The following CAMTA1 variants were observed in gnomAD, a reference collection of about 807,000 sequenced individuals.
The protein encoded by CAMTA1 is calmodulin binding transcription activator 1.
CAMTA1 carries 27 observed loss-of-function variants against 170.9 expected under a neutral mutation model. The ratio of observed to expected loss-of-function variants is 0.16; its 90% CI spans 0.12 to 0.22. The LOEUF (loss-of-function observed/expected upper bound fraction) is 0.22, where lower values mean the gene tolerates loss of function less well. CAMTA1 is among the 10% of genes least tolerant of loss of function. The pLI is 1.00. For missense variants in CAMTA1, 1,619 were observed against 2,217.2 expected, an observed-to-expected ratio of 0.73 and a Z score of 5.42; for synonymous variants, 833 against 891.5, an observed-to-expected ratio of 0.93 and a Z score of 1.17.
chr1:7,169,117 A>T (rs544174806), intron 4 of CAMTA1, among the ~76,000 whole-genome samples: 1 of 152,316 alleles, frequency 6.6e-6, no homozygotes, highest in South Asian at 2.1e-4. Context: ...TATTAATCTA[A>T]CTGTAATCCT....
At chr1:7,231,919 G>A (rs891679240) in intron 4 of CAMTA1, among the ~76,000 whole-genome samples, 2 of 152,208 alleles carry the variant, frequency 1.3e-5, no homozygotes, top group African/African-American at 4.8e-5. Flanking sequence ...ACTTCTTGGA[G>A]CTCAAACAGA....
At chr1:7,250,195 C>T (rs947270712) in intron 5 of CAMTA1, among the ~76,000 whole-genome samples, 1 of 152,170 alleles carries the variant, frequency 6.6e-6, no homozygotes, top group Non-Finnish European at 1.5e-5. Flanking sequence ...GGTTTTGGCC[C>T]TTGGGTAAAG....
chr1:7,309,871 A>G (rs4908619), intron 5 of CAMTA1, among the ~76,000 whole-genome samples: 59,356 of 151,496 alleles, frequency 0.39, 11,968 homozygotes, highest in Middle Eastern at 0.59. Context: ...GTTGTTTTAT[A>G]TATCATATAT....
At chr1:6,870,408 G>A (rs1371925907) in intron 3 of CAMTA1, among the ~76,000 whole-genome samples, 1 of 152,112 alleles carries the variant, frequency 6.6e-6, no homozygotes, top group Non-Finnish European at 1.5e-5. Context: ...CTCGGACCGA[G>A]TGCATGAGCT....
chr1:7,122,420 G>A (rs966711872), intron 4 of CAMTA1, among the ~76,000 whole-genome samples: 1 of 152,050 alleles, frequency 6.6e-6, no homozygotes, highest in Non-Finnish European at 1.5e-5. Context: ...ATTCGTAGGG[G>A]GTGCCTGGCG....
At chr1:6,926,374 C>G (rs1683093987) in intron 3 of CAMTA1, among the ~76,000 whole-genome samples, 1 of 141,304 alleles carries the variant, frequency 7.1e-6, no homozygotes, top group South Asian at 2.5e-4. Context: ...CTTCCTTTCT[C>G]TTTCTTTCTC....
In CAMTA1 at chr1:7,664,092, G is replaced by A. The variant is rs373101603; in HGVS notation, c.1545G>A (p.Ser515=). 1.4e-5 allele frequency: 22 copies of A among 1,613,556 alleles called. No homozygotes were observed. Among genetic ancestry groups the A allele is most frequent in the African/African-American group, 9.3e-5 (7 of 75,060 alleles). Residue 515 remains serine, a synonymous_variant, in exon 9 of 23, where the codon TCG becomes TCA. Transcript: ENST00000303635. ...AEMVSSNIRH[S]PPGERSFSFT... ...TGGTCAGCTCCAACATCCGGCACTCGCCACCCGGGGAGCGGAGCTTCAGCT... is the reference window on the plus strand; with the variant it reads ...TGGTCAGCTCCAACATCCGGCACTCACCACCCGGGGAGCGGAGCTTCAGCT...
chr1:7,557,495 T>C (rs6697897), intron 6 of CAMTA1, among the ~76,000 whole-genome samples: 11,090 of 152,214 alleles, frequency 0.073, 500 homozygotes, highest in African/African-American at 0.13. Flanking sequence ...GGATCCGGTA[T>C]GTTTCATAGC....
chr1:6,967,536 A>G (rs554468082), intron 3 of CAMTA1, among the ~76,000 whole-genome samples: 1 of 152,256 alleles, frequency 6.6e-6, no homozygotes, highest in South Asian at 2.1e-4. Flanking sequence ...GGGGACCTTC[A>G]GCCACTAGGT....
chr1:7,127,522 T>G (rs949564403), intron 4 of CAMTA1, among the ~76,000 whole-genome samples: 1 of 152,146 alleles, frequency 6.6e-6, no homozygotes, highest in Non-Finnish European at 1.5e-5. Context: ...GGAGTGGAAC[T>G]GCCACCTGCT....
At chr1:7,126,794 G>A (rs1210162120) in intron 4 of CAMTA1, among the ~76,000 whole-genome samples, 4 of 151,994 alleles carry the variant, frequency 2.6e-5, no homozygotes, top group Admixed American at 2.6e-4. Context: ...TTTTTGAGAA[G>A]GAGTCTCGCT....
chr1:6,908,526 A>G (rs976770198), intron 3 of CAMTA1, among the ~76,000 whole-genome samples: 7 of 152,238 alleles, frequency 4.6e-5, no homozygotes, highest in Non-Finnish European at 7.3e-5. Flanking sequence ...CTGATGGTCT[A>G]CTGTCAACTG....
At chr1:7,313,028 T>A (rs780385069) in intron 5 of CAMTA1, among the ~76,000 whole-genome samples, 1 of 152,220 alleles carries the variant, frequency 6.6e-6, no homozygotes, top group Non-Finnish European at 1.5e-5. Context: ...GGATTATGGT[T>A]CCTTTCTTGT....
intron 4 of CAMTA1, among the ~76,000 whole-genome samples, chr1:7,217,003 G>A (rs1174407823): frequency 6.6e-6 from 1 of 152,138 alleles, no homozygotes; most frequent in African/African-American, 2.4e-5. Flanking sequence ...TGCCTCATAT[G>A]TCTTTGCCAT....
chr1:7,655,499 C>T (rs1325575860), intron 7 of CAMTA1, among the ~76,000 whole-genome samples: 4 of 142,536 alleles, frequency 2.8e-5, no homozygotes, highest in Non-Finnish European at 6.1e-5. Context: ...CTATACAACA[C>T]ACATACACAC....
At chr1:7,422,799 C>T (rs1212775962) in intron 5 of CAMTA1, among the ~76,000 whole-genome samples, 2 of 152,148 alleles carry the variant, frequency 1.3e-5, no homozygotes, top group Admixed American at 6.5e-5. Context: ...CCCTGCAGTC[C>T]CCACACCCCC....
chr1:7,345,329 T>C (rs1444237862), intron 5 of CAMTA1, among the ~76,000 whole-genome samples: 1 of 152,222 alleles, frequency 6.6e-6, no homozygotes, highest in Non-Finnish European at 1.5e-5. Context: ...AGCATTATTT[T>C]CCTAAAAGCT....
intron 3 of CAMTA1, among the ~76,000 whole-genome samples, chr1:6,830,312 A>G (rs1325128372): frequency 6.9e-6 from 1 of 145,628 alleles, no homozygotes; most frequent in Admixed American, 6.9e-5. Context: ...CCAAGGTGCT[A>G]GGATTACAGG....
intron 5 of CAMTA1, among the ~76,000 whole-genome samples, chr1:7,315,998 G>A (rs1677442179): frequency 6.6e-6 from 1 of 152,218 alleles, no homozygotes; most frequent in Non-Finnish European, 1.5e-5. Context: ...ATGGCGGAAG[G>A]CTAAGGAGAA....
Sources: allele counts gnomAD v4.1 joint callset (sites outside exome capture counted in the v4.1 genomes callset), GRCh38; gene constraint gnomAD v4.1.1; transcripts MANE v1.5; gene names NCBI Gene and HGNC (gene_info 2026-07-23, HGNC 2026-07-21).